Variants in CHODL observed in about 807,000 individuals in gnomAD.
CHODL encodes chondrolectin.
A neutral mutation model predicts 34.5 loss-of-function variants in CHODL; 29 were observed. That is an observed-to-expected ratio of 0.84 (90% confidence interval 0.63 to 1.15). The LOEUF (loss-of-function observed/expected upper bound fraction) is 1.15, where lower values mean the gene tolerates loss of function less well. CHODL is among the 50% of genes most tolerant of loss of function. The pLI, the probability that CHODL is intolerant of heterozygous loss-of-function variation, is 0.00. For synonymous variants in CHODL, 125 were observed against 116.1 expected (o/e 1.08, Z -0.49); for missense variants, 332 against 332.5 (o/e 1.00, Z 0.01).
intron 1 of CHODL, among the ~76,000 whole-genome samples, chr21:17,964,770 T>G (rs1193950439): frequency 6.6e-6 from 1 of 152,212 alleles, no homozygotes; most frequent in Non-Finnish European, 1.5e-5. Context: ...CTTAGATTAC[T>G]TTTGATTTGC....
At chr21:18,261,986 A>G (rs2074388007) in intron 4 of CHODL, among the ~76,000 whole-genome samples, 1 of 151,982 alleles carries the variant, frequency 6.6e-6, no homozygotes. Context: ...TTGGCTAGGT[A>G]ATTACTTACC....
At chr21:18,169,362 T>C (rs569066999) in intron 2 of CHODL, among the ~76,000 whole-genome samples, 10 of 152,136 alleles carry the variant, frequency 6.6e-5, no homozygotes, top group Non-Finnish European at 1.3e-4. Flanking sequence ...GTTCCGTCTT[T>C]CATTACTGGT....
intron 2 of CHODL, among the ~76,000 whole-genome samples, chr21:18,097,309 A>G (rs890231228): frequency 6.6e-6 from 1 of 152,154 alleles, no homozygotes; most frequent in African/African-American, 2.4e-5. Flanking sequence ...ATATAATCTT[A>G]TATTTGGAAA....
intron 1 of CHODL, among the ~76,000 whole-genome samples, chr21:18,250,623 C>T (rs902070725): frequency 7.9e-5 from 12 of 151,904 alleles, no homozygotes; most frequent in African/African-American, 2.4e-4. Context: ...GAATGCTGAA[C>T]GCAGAACACT....
At position 18,137,758 on chromosome 21, in the gene CHODL, A is replaced by G. The variant is rs373075854; in HGVS notation, c.-45+109787A>G. On this transcript the variant is annotated intron_variant, in intron 2 of 6. Transcript: ENST00000400127. ...TATAGATGCATGCGTATGTGTATATATGCTTTCTTTTATACCTAGAGGTGC... is the reference window on the plus strand; with the variant it reads ...TATAGATGCATGCGTATGTGTATATGTGCTTTCTTTTATACCTAGAGGTGC... Among the ~76,000 whole-genome samples the G allele has an allele frequency of 1.4e-4, 21 of 152,314 alleles. No individual in the cohort carries two copies. The East Asian group carries it at 2.7e-3, about 20-fold the overall frequency.
chr21:17,933,491 C>T (rs1474344310), intron 1 of CHODL, among the ~76,000 whole-genome samples: 1 of 152,188 alleles, frequency 6.6e-6, no homozygotes, highest in Non-Finnish European at 1.5e-5. Flanking sequence ...GCACATCTTG[C>T]ATAGCCCTTA....
intron 2 of CHODL, among the ~76,000 whole-genome samples, chr21:18,039,395 A>T (rs1019288095): frequency 2.0e-5 from 3 of 151,686 alleles, no homozygotes; most frequent in African/African-American, 7.2e-5. Context: ...GTCATATCCC[A>T]TGCTGTTCTC....
intron 2 of CHODL, among the ~76,000 whole-genome samples, chr21:18,221,213 A>C (rs545325658): frequency 6.6e-6 from 1 of 152,150 alleles, no homozygotes; most frequent in Admixed American, 6.5e-5. Flanking sequence ...TGTTTGTTGA[A>C]TTCTACAGTT....
At chr21:18,023,141 G>A (rs986751954) in intron 1 of CHODL, among the ~76,000 whole-genome samples, 2 of 152,172 alleles carry the variant, frequency 1.3e-5, no homozygotes, top group African/African-American at 2.4e-5. Flanking sequence ...CTTCACTAGT[G>A]TCCTTGGGTT....
At chr21:18,033,268 C>T (rs1194602586) in intron 2 of CHODL, among the ~76,000 whole-genome samples, 1 of 151,878 alleles carries the variant, frequency 6.6e-6, no homozygotes, top group Non-Finnish European at 1.5e-5. Context: ...TCACTGTGAA[C>T]ATAGCAGCTG....
intron 2 of CHODL, among the ~76,000 whole-genome samples, chr21:18,146,993 A>C (rs988451161): frequency 6.6e-6 from 1 of 152,148 alleles, no homozygotes; most frequent in Non-Finnish European, 1.5e-5. Context: ...ATTCTCTTTT[A>C]ATCCTTTTAG....
chr21:18,175,720 G>A (rs2073300361), intron 2 of CHODL, among the ~76,000 whole-genome samples: 1 of 149,874 alleles, frequency 6.7e-6, no homozygotes, highest in South Asian at 2.2e-4. Flanking sequence ...CAAGCAAACG[G>A]TACTGAGATA....
At chr21:18,154,916 C>G (rs906490148) in intron 2 of CHODL, among the ~76,000 whole-genome samples, 2 of 152,096 alleles carry the variant, frequency 1.3e-5, no homozygotes, top group African/African-American at 4.8e-5. Context: ...GAGATCGTAT[C>G]TGGGAAGGCT....
intron 1 of CHODL, among the ~76,000 whole-genome samples, chr21:17,970,387 C>G (rs1381674405): frequency 6.6e-6 from 1 of 152,122 alleles, no homozygotes; most frequent in African/African-American, 2.4e-5. Context: ...ATCTCTAATT[C>G]TGCCAAACCT....
At position 18,245,344 on chromosome 21, in the gene CHODL, G is replaced by A. The variant is rs1448964568; in HGVS notation, c.79+42G>A. On this transcript the variant is annotated intron_variant, in intron 1 of 5. Transcript: ENST00000299295. ...CTCCCCGAAGAACGAGCGGGGAGAG[G>A]GGACCACGGGGCGCGGCGGGCAGCC... 8.3e-6 allele frequency: 12 copies of A among 1,449,888 alleles called. No homozygotes were observed. The African/African-American group carries it at 1.5e-4, about 18-fold the overall frequency. 89.8% of individuals were successfully genotyped at this position (1,449,888 alleles called of 1,614,324 possible).
At chr21:18,253,186 T>C (rs2074278291) in intron 1 of CHODL, among the ~76,000 whole-genome samples, 2 of 152,122 alleles carry the variant, frequency 1.3e-5, no homozygotes, top group Admixed American at 1.3e-4. Context: ...CATTTATTTT[T>C]TAATATATCA....
At chr21:18,193,124 A>T (rs576937399) in intron 2 of CHODL, among the ~76,000 whole-genome samples, 2 of 152,186 alleles carry the variant, frequency 1.3e-5, no homozygotes, top group Non-Finnish European at 2.9e-5. Flanking sequence ...CTAAATACTG[A>T]CTAGCATTAG....
intron 2 of CHODL, among the ~76,000 whole-genome samples, chr21:18,227,063 CA>C (rs2073937796): frequency 6.6e-6 from 1 of 152,140 alleles, no homozygotes; most frequent in Non-Finnish European, 1.5e-5. Context: ...GGTTAGGGCC[CA>C]TATTCTCACA....
At chr21:18,063,696 T>A (rs1389407837) in intron 2 of CHODL, among the ~76,000 whole-genome samples, 1 of 152,318 alleles carries the variant, frequency 6.6e-6, no homozygotes, top group African/African-American at 2.4e-5. Context: ...TTGTAAACAT[T>A]CAAAGAATTC....
Sources: gnomAD v4.1 joint callset for allele counts (sites outside exome capture counted in the v4.1 genomes callset) on GRCh38, gnomAD v4.1.1 for gene constraint, MANE v1.5 for transcripts, NCBI Gene and HGNC (gene_info 2026-07-23, HGNC 2026-07-21) for gene names.